The following ZBTB21 variants were observed in gnomAD, a reference collection of about 807,000 sequenced individuals.
ZBTB21 encodes zinc finger and BTB domain-containing protein 21.
In ZBTB21, 10 loss-of-function variants were observed where a neutral mutation model predicts 39.8. The observed-to-expected ratio is 0.25, with a 90% CI of 0.16 to 0.43. ZBTB21 has a LOEUF of 0.43. Among genes scored for constraint, ZBTB21 ranks in the 20% least tolerant of loss-of-function variants. The probability of loss-of-function intolerance (pLI) is 1.00; values close to 1 mark genes in which losing one functional copy is unlikely to be tolerated. For missense variants in ZBTB21, 1,221 were observed against 1,296.3 expected, an observed-to-expected ratio of 0.94 and a Z score of 0.89; for synonymous variants, 551 against 498.8, an observed-to-expected ratio of 1.10 and a Z score of -1.40.
At position 41,994,654 on chromosome 21, in the gene ZBTB21, G is replaced by A. The variant is rs142074128; in HGVS notation, c.-13-546C>T. ...TCTGTCACCCAGGCTGGAGTGCAGTGGCACCATGATGGCTCACTGCAGCCT... is the reference window on the plus strand; with the variant it reads ...TCTGTCACCCAGGCTGGAGTGCAGTAGCACCATGATGGCTCACTGCAGCCT... On this transcript the variant is annotated intron_variant, in intron 2 of 2. Coordinates refer to ENST00000310826, the MANE Select transcript of ZBTB21 (RefSeq NM_001098402.2). 2.8e-3 allele frequency among the ~76,000 whole-genome samples: 430 copies of A among 152,276 alleles called. 3 individuals are homozygous for A. Among genetic ancestry groups the A allele is most frequent in the African/African-American group, 9.9e-3 (410 of 41,538 alleles).
intron 1 of ZBTB21, chr21:42,009,278 G>A (rs1160499197): frequency 6.6e-6 from 1 of 152,246 alleles, no homozygotes; most frequent in Non-Finnish European, 1.5e-5. Flanking sequence ...TCGTGGCTGG[G>A]ACCGCATAGC....
At position 41,987,214 on chromosome 21, in the gene ZBTB21, T is replaced by C. The variant is rs979839041; in HGVS notation, c.*3681A>G. 3 of 152,218 alleles carry C rather than the reference T, an allele frequency of 2.0e-5. No individual in the cohort carries two copies. 9.4% of individuals were successfully genotyped at this position (152,218 alleles called of 1,614,324 possible). Reference sequence around the variant, plus strand: ...ACTGAATTCTGTTATTTTAAAGATTTACAGTAAAATACTTTGGTTCCCAAA... The same window carrying C: ...ACTGAATTCTGTTATTTTAAAGATTCACAGTAAAATACTTTGGTTCCCAAA... On this transcript the variant is annotated 3_prime_UTR_variant, in exon 3 of 3. Coordinates refer to ENST00000310826, the MANE Select transcript of ZBTB21 (RefSeq NM_001098402.2).
rs1242151092 is a variant in ZBTB21, at chr21:41,991,114, G to A, written c.2982C>T (p.Pro994=). Residue 994 remains proline, a synonymous_variant, in exon 3 of 3, where the codon CCC becomes CCT. Coordinates refer to ENST00000310826, the MANE Select transcript of ZBTB21 (RefSeq NM_001098402.2). The surrounding 1 kb of genome is among the most constrained non-coding windows in gnomAD (Gnocchi z 4.9). ...TGTCAGGCTCCAGAGGCTGGATCTT[G>A]GGCAGTGGTGGTGGCGGTGGCAGAG... The part of the protein sequence containing the change: ...PPPLPPPPPL[P]KIQPLEPDSP... 1 of 1,613,394 alleles carries A rather than the reference G, an allele frequency of 6.2e-7. No individual in the cohort carries two copies. The highest frequency in any genetic ancestry group is 8.5e-7 in the Non-Finnish European group (1 of 1,179,674).
chr21:41,993,284 G>A lies in ZBTB21; in HGVS notation c.812C>T (p.Ala271Val), dbSNP rs780455947. ...QLPKGKALEL[A>V]LKRPRPPVLS... ...AACAGGTGGCCGTGGTCTCTTCAAA[G>A]CCAGCTCTAGAGCTTTTCCTTTTGG... The change falls in exon 3 of 3, where the codon GCT becomes GTT. Residue 271 changes from alanine to valine, a missense_variant. By Grantham distance (64) the Ala-to-Val change is moderately conservative. This residue lies in a region of ZBTB21 where 500 missense variants were observed against 465.6 expected (regional missense o/e 1.07). Transcript: ENST00000310826. The A allele has an allele frequency of 3.1e-6, 5 of 1,612,796 alleles. No homozygotes were observed. The highest frequency in any genetic ancestry group is 4.5e-5 in the East Asian group (2 of 44,886).
At chr21:42,008,883 T>C (rs1168598401) in intron 1 of ZBTB21, among the ~76,000 whole-genome samples, 1 of 152,240 alleles carries the variant, frequency 6.6e-6, no homozygotes, top group Non-Finnish European at 1.5e-5. Context: ...TTAAACTTAA[T>C]GACTACTAGT....
At chr21:41,999,034 A>T (rs1796390981) in intron 2 of ZBTB21, among the ~76,000 whole-genome samples, 1 of 152,088 alleles carries the variant, frequency 6.6e-6, no homozygotes, top group African/African-American at 2.4e-5. Flanking sequence ...TACTTTCTTT[A>T]CATCTATTTG....
intron 2 of ZBTB21, among the ~76,000 whole-genome samples, chr21:41,999,192 A>G (rs1239225970): frequency 1.3e-5 from 2 of 152,236 alleles, no homozygotes; most frequent in African/African-American, 4.8e-5. Flanking sequence ...CCACAGGGAA[A>G]AGCTGTAACA....
In ZBTB21 at chr21:41,994,386, A is replaced by G. The variant is rs140385126; in HGVS notation, c.-13-278T>C. On this transcript the variant is annotated intron_variant, in intron 2 of 2. Transcript: ENST00000310826. ...AAAAGGCTGCCAGAACTTGGCAGGT[A>G]GATATGGAAGCAATATTTGAAAATA... Among the ~76,000 whole-genome samples, 385 of 152,342 alleles carry G rather than the reference A, an allele frequency of 2.5e-3. 4 individuals are homozygous for G. The highest frequency in any genetic ancestry group is 8.9e-3 in the African/African-American group (369 of 41,586).
intron 2 of ZBTB21, among the ~76,000 whole-genome samples, chr21:42,000,644 C>T (rs1292041725): frequency 6.6e-6 from 1 of 152,212 alleles, no homozygotes; most frequent in African/African-American, 2.4e-5. Flanking sequence ...ATGCATTATT[C>T]AAAGTATCAT....
Position 41,992,610 on chromosome 21 carries a change from T to G in ZBTB21, c.1486A>C (p.Lys496Gln). Residue 496 changes from lysine to glutamine, a missense_variant, in exon 3 of 3, where the codon AAG becomes CAG. Physicochemically the swap from Lys to Gln is moderately conservative, Grantham distance 53. This residue lies in a region of ZBTB21 where 500 missense variants were observed against 465.6 expected (regional missense o/e 1.07). Transcript: ENST00000310826. This position sits in a 1 kb window ranked among gnomAD's most constrained non-coding sequence, Gnocchi z 4.1. ...GACCCGTGCTCATTCACCTTTAACT[T>G]CTTAAACGGCAATCTTCGGTCCGCT... ...FQADRRLPFK[K>Q]LKVNEHGSPV... 6.2e-7 allele frequency: 1 copy of G among 1,614,150 alleles called. No individual in the cohort carries two copies.
In ZBTB21 at chr21:41,994,086, A is replaced by G. The variant is rs1601638640; in HGVS notation, c.10T>C (p.Leu4=). ...TGTGCAGGGTTGATGTAATGCAGTA[A>G]TCCCTCCATGGCTTGAGTTTATCTA... MEG[L]LHYINPAHAI... The change falls in exon 3 of 3, where the codon TTA becomes CTA. Residue 4 remains leucine (L), a synonymous_variant. Transcript: ENST00000310826. 1 of 1,583,942 alleles carries G rather than the reference A, an allele frequency of 6.3e-7. No homozygotes were observed. Among genetic ancestry groups the G allele is most frequent in the East Asian group, 2.2e-5 (1 of 44,490 alleles).
rs1306046730 is a variant in ZBTB21, at chr21:41,988,282, T to G, written c.*2613A>C. ...ATTTTACATTCTTTCCACAACTGCATAAAAAAGCAGGCATCCTGCATACTT... is the reference window on the plus strand; with the variant it reads ...ATTTTACATTCTTTCCACAACTGCAGAAAAAAGCAGGCATCCTGCATACTT... On this transcript the variant is annotated 3_prime_UTR_variant, in exon 3 of 3. Coordinates refer to ENST00000310826, the MANE Select transcript of ZBTB21 (RefSeq NM_001098402.2). The G allele has an allele frequency of 1.3e-5, 2 of 152,186 alleles. No individual in the cohort carries two copies. The allele number at this position is 152,186 out of a possible 1,614,324, so 9.4% of individuals were successfully genotyped here. A position where few individuals can be genotyped will look rare whatever the true frequency, so the allele number is the denominator to read the frequency against.
Position 42,008,342 on chromosome 21 carries a change from C to CAAAAAAAA in ZBTB21, c.-79+1902_-79+1909dup, listed in dbSNP as rs767411984. On this transcript the variant is annotated intron_variant, in intron 1 of 2. Coordinates refer to ENST00000310826, the MANE Select transcript of ZBTB21 (RefSeq NM_001098402.2). ...TCAACAGGATGAAACCCCGTCTCTA[C>CAAAAAAAA]AAAAAAAAAAAAAAAAAAAAAAAAA... Among the ~76,000 whole-genome samples, 25 of 54,296 alleles carry CAAAAAAAA rather than the reference C, an allele frequency of 4.6e-4. 2 individuals carry two copies. Among genetic ancestry groups the CAAAAAAAA allele is most frequent in the African/African-American group, 6.6e-4 (9 of 13,556 alleles). 35.6% of individuals were successfully genotyped at this position (54,296 alleles called of 152,430 possible). A position where few individuals can be genotyped will look rare whatever the true frequency, so the allele number is the denominator to read the frequency against.
rs183130917 is a variant in ZBTB21, at chr21:41,995,125, T to C, written c.-13-1017A>G. 1.9e-3 allele frequency among the ~76,000 whole-genome samples: 287 copies of C among 152,236 alleles called. 2 individuals carry two copies. The highest frequency in any genetic ancestry group is 3.1e-3 in the Non-Finnish European group (210 of 67,994). On this transcript the variant is annotated intron_variant, in intron 2 of 2. Transcript: ENST00000310826. ...AAAATGGACTAATACAGTAAATTGATACCAGTAGAGTGGGGCACTGCTGAA... is the reference window on the plus strand; with the variant it reads ...AAAATGGACTAATACAGTAAATTGACACCAGTAGAGTGGGGCACTGCTGAA...
rs1337655651 is a variant in ZBTB21, at chr21:41,993,000, A to G, written c.1096T>C (p.Ser366Pro). Residue 366 changes from serine to proline, a missense_variant, in exon 3 of 3, where the codon TCT becomes CCT. Ser to Pro is a moderately conservative substitution (Grantham distance 74, BLOSUM62 -1). Coordinates refer to ENST00000310826, the MANE Select transcript of ZBTB21 (RefSeq NM_001098402.2). The surrounding 1 kb of genome is among the most constrained non-coding windows in gnomAD (Gnocchi z 4.1). ...SIDLKSSQGS[S>P]SVSSDAPGNV... ...CCTGGTGCATCACTGGACACCGAAG[A>G]TGATCCCTGGGAAGATTTCAAATCT... The G allele has an allele frequency of 6.2e-7, 1 of 1,614,218 alleles. No homozygotes were observed. The highest frequency in any genetic ancestry group is 8.5e-7 in the Non-Finnish European group (1 of 1,180,040).
rs528938016 is a variant in ZBTB21 at position 41,994,546 on chromosome 21, T to TTAAACA, written c.-13-444_-13-439dup. Among the ~76,000 whole-genome samples the TTAAACA allele has an allele frequency of 1.6e-4, 24 of 152,320 alleles. No individual in the cohort carries two copies. The East Asian group carries it at 4.2e-3, about 27-fold the overall frequency. Reference sequence around the variant, plus strand: ...AAATCAGCTTTATTACTACATATACTTAAACATAATGTGAACTGTTAACAA... The same window carrying TTAAACA: ...AAATCAGCTTTATTACTACATATACTTAAACATAAACATAATGTGAACTGTTAACAA... On this transcript the variant is annotated intron_variant, in intron 2 of 2. Transcript: ENST00000310826.
chr21:41,994,162 G>C, intron 2 of ZBTB21, 54 bp from the exon 3 acceptor site: 1 of 1,470,922 alleles, frequency 6.8e-7, no homozygotes, highest in Non-Finnish European at 9.1e-7. Flanking sequence ...AGTTCCCCTG[G>C]CTCCTCAAGA....
intron 1 of ZBTB21, among the ~76,000 whole-genome samples, chr21:42,004,542 C>T (rs1458236895): frequency 6.6e-6 from 1 of 152,126 alleles, no homozygotes; most frequent in Non-Finnish European, 1.5e-5. Flanking sequence ...AAAATAATCT[C>T]ACCTACTTGG....
At position 41,989,472 on chromosome 21, in the gene ZBTB21, A is replaced by G. The variant is rs2065621696; in HGVS notation, c.*1423T>C. ...AGTCTAAATTGGTATTACTTTCTTA[A>G]AAGGATTTTGTAGTTTCGTTTTTTT... On this transcript the variant is annotated 3_prime_UTR_variant, in exon 3 of 3. Coordinates refer to ENST00000310826, the MANE Select transcript of ZBTB21 (RefSeq NM_001098402.2). 1.3e-5 allele frequency: 2 copies of G among 152,186 alleles called. No individual in the cohort carries two copies. The highest frequency in any genetic ancestry group is 4.8e-5 in the African/African-American group (2 of 41,464). 9.4% of individuals were successfully genotyped at this position (152,186 alleles called of 1,614,324 possible). A position where few individuals can be genotyped will look rare whatever the true frequency, so the allele number is the denominator to read the frequency against.
Sources: allele counts gnomAD v4.1 joint callset (sites outside exome capture counted in the v4.1 genomes callset), GRCh38; gene constraint gnomAD v4.1.1; regional missense constraint gnomAD v4.1.1; non-coding constraint Gnocchi (gnomAD v3.1); transcripts MANE v1.5; gene names NCBI Gene and HGNC (gene_info 2026-07-23, HGNC 2026-07-21).